Variants in TMEM132D observed in about 807,000 individuals in gnomAD.
The protein encoded by TMEM132D is mature OL transmembrane protein.
A neutral mutation model predicts 62.3 loss-of-function variants in TMEM132D; 21 were observed. The ratio of observed to expected loss-of-function variants is 0.34; its 90% CI spans 0.24 to 0.49. The LOEUF is 0.49. Ranked by LOEUF, TMEM132D falls within the 20% of genes least tolerant of loss-of-function variation. The pLI, the probability that TMEM132D is intolerant of heterozygous loss-of-function variation, is 0.99. For synonymous variants in TMEM132D, 621 were observed against 575.6 expected, an observed-to-expected ratio of 1.08 and a Z score of -1.13; for missense variants, 1,346 against 1,402.8, an observed-to-expected ratio of 0.96 and a Z score of 0.65.
At chr12:129,686,746 C>T (rs1880930524) in intron 2 of TMEM132D, among the ~76,000 whole-genome samples, 1 of 152,198 alleles carries the variant, frequency 6.6e-6, no homozygotes, top group Non-Finnish European at 1.5e-5. Context: ...GCCAGTAACA[C>T]TATTTATGTT....
intron 3 of TMEM132D, among the ~76,000 whole-genome samples, chr12:129,395,488 T>C (rs1332602699): frequency 3.3e-5 from 5 of 152,092 alleles, no homozygotes; most frequent in Admixed American, 1.3e-4. Context: ...AATGTTCTTA[T>C]GGAGATTTGC....
At chr12:129,395,955 AATAT>A (rs535277284) in intron 3 of TMEM132D, among the ~76,000 whole-genome samples, 2 of 142,916 alleles carry the variant, frequency 1.4e-5, no homozygotes, top group African/African-American at 2.7e-5. Flanking sequence ...ATTATAAAAT[AATAT>A]ATAATATATA....
intron 5 of TMEM132D, among the ~76,000 whole-genome samples, chr12:129,194,394 G>A (rs1265521362): frequency 6.6e-6 from 1 of 152,162 alleles, no homozygotes; most frequent in Non-Finnish European, 1.5e-5. Flanking sequence ...ACTTATAAGT[G>A]GGAGCTAAAC....
Position 129,867,839 on chromosome 12 carries a change from G to A in TMEM132D, c.79+35422C>T, listed in dbSNP as rs1374555028. On this transcript the variant is annotated intron_variant, in intron 1 of 8. Coordinates refer to ENST00000422113, the MANE Select transcript of TMEM132D (RefSeq NM_133448.3). The surrounding 1 kb of genome is among the most constrained non-coding windows in gnomAD (Gnocchi z 4.5). ...ACCTAGTGAAAAACAACAGTTGACA[G>A]GGGCCAGAGATGGGTTGGGGTTGCT... Among the ~76,000 whole-genome samples, 1 of 152,214 alleles carries A rather than the reference G, an allele frequency of 6.6e-6. No individual in the cohort carries two copies. The highest frequency in any genetic ancestry group is 1.5e-5 in the Non-Finnish European group (1 of 68,020).
intron 4 of TMEM132D, among the ~76,000 whole-genome samples, chr12:129,300,841 C>T (rs1288952504): frequency 1.3e-5 from 2 of 152,120 alleles, no homozygotes. Flanking sequence ...GTCAAATGTA[C>T]CCAGAGGTTG....
At position 129,899,288 on chromosome 12, in the gene TMEM132D, G is replaced by GATGT. The variant is rs1875259083; in HGVS notation, c.79+3972_79+3973insACAT. On this transcript the variant is annotated intron_variant, in intron 1 of 8. Coordinates refer to ENST00000422113, the MANE Select transcript of TMEM132D (RefSeq NM_133448.3). ...GGATGGATGGATGGATGCATGGATG[G>GATGT]ATGGATGGATGCATGCATGGATGGA... Among the ~76,000 whole-genome samples the GATGT allele has an allele frequency of 1.6e-5, 2 of 123,020 alleles. 1 individual carries two copies. The highest frequency in any genetic ancestry group is 6.2e-5 in the African/African-American group (2 of 32,358). 80.7% of individuals were successfully genotyped at this position (123,020 alleles called of 152,430 possible). A position where few individuals can be genotyped will look rare whatever the true frequency, so the allele number is the denominator to read the frequency against.
At position 129,867,280 on chromosome 12, in the gene TMEM132D, A is replaced by G. The variant is rs1874089589; in HGVS notation, c.79+35981T>C. On this transcript the variant is annotated intron_variant, in intron 1 of 8. Transcript: ENST00000422113. The surrounding 1 kb of genome is among the most constrained non-coding windows in gnomAD (Gnocchi z 4.5). ...GTCTCAAAAAAAGAAAAAGAAAGAA[A>G]GAAATCCTGCCATTTGCAACAATAT... is the stretch of plus-strand genomic sequence containing the variant. Among the ~76,000 whole-genome samples the G allele has an allele frequency of 6.6e-6, 1 of 152,110 alleles. No homozygotes were observed. The highest frequency in any genetic ancestry group is 1.5e-5 in the Non-Finnish European group (1 of 68,018).
intron 2 of TMEM132D, among the ~76,000 whole-genome samples, chr12:129,545,772 G>A (rs780981594): frequency 5.9e-5 from 9 of 152,196 alleles, no homozygotes; most frequent in Non-Finnish European, 1.3e-4. Flanking sequence ...TCTTACACAA[G>A]TTCCCATCTT....
chr12:129,578,288 G>C (rs536856231), intron 2 of TMEM132D, among the ~76,000 whole-genome samples: 29 of 152,182 alleles, frequency 1.9e-4, no homozygotes, highest in South Asian at 1.2e-3. Flanking sequence ...GCAAGTGGTA[G>C]ATTGTGGGAC....
rs200938064 is a variant in TMEM132D, at chr12:129,764,535, TA to T, written c.80-63838del. ...GAGAAATCAATATCACATTCCTTGT[TA>T]AAAAAAAATGCTATTACGTGTGTGT... On this transcript the variant is annotated intron_variant, in intron 1 of 8. Transcript: ENST00000422113. Among the ~76,000 whole-genome samples the T allele has an allele frequency of 3.0e-4, 45 of 151,584 alleles. 1 individual carries two copies. Among genetic ancestry groups the T allele is most frequent in the East Asian group, 7.8e-4 (4 of 5,156 alleles).
At chr12:129,768,703 G>A (rs1241891723) in intron 1 of TMEM132D, among the ~76,000 whole-genome samples, 1 of 152,132 alleles carries the variant, frequency 6.6e-6, no homozygotes, top group African/African-American at 2.4e-5. Context: ...TGGGGAGCCT[G>A]ATGGCCCTGT....
rs199987474 is a variant in TMEM132D, at chr12:129,545,188, G to A, written c.969-13983C>T. The stretch of plus-strand genomic sequence containing the variant: ...TCCTCATTCCTGACTTGACTTGGGA[G>A]AGTGTGAGATTTGATCTACTGCACC... On this transcript the variant is annotated intron_variant, in intron 2 of 8. Transcript: ENST00000422113. Among the ~76,000 whole-genome samples, 380 of 152,250 alleles carry A rather than the reference G, an allele frequency of 2.5e-3. 8 individuals carry two copies. The East Asian group carries it at 0.065, about 26-fold the overall frequency.
chr12:129,699,148 G>T (rs947495809), intron 2 of TMEM132D, among the ~76,000 whole-genome samples: 1 of 152,112 alleles, frequency 6.6e-6, no homozygotes, highest in Non-Finnish European at 1.5e-5. Context: ...TCTCTCATAC[G>T]TTATATTCCA....
intron 2 of TMEM132D, among the ~76,000 whole-genome samples, chr12:129,613,677 T>C (rs879708975): frequency 6.6e-6 from 1 of 152,214 alleles, no homozygotes; most frequent in African/African-American, 2.4e-5. Context: ...CCGAGAGGAC[T>C]GTCTCCAGCA....
Position 129,340,216 on chromosome 12 carries a change from C to T in TMEM132D, c.1116-2399G>A, listed in dbSNP as rs1160254767. ...TTTCCCTTTTTCTTTAGATCCCTTTCCCAGCCAAGATGTAAAAGCAACAAG... is the reference window on the plus strand; with the variant it reads ...TTTCCCTTTTTCTTTAGATCCCTTTTCCAGCCAAGATGTAAAAGCAACAAG... On this transcript the variant is annotated intron_variant, in intron 3 of 8. Transcript: ENST00000422113. Among the ~76,000 whole-genome samples, 9 of 152,102 alleles carry T rather than the reference C, an allele frequency of 5.9e-5. 1 individual carries two copies. Among genetic ancestry groups the T allele is most frequent in the Admixed American group, 5.2e-4 (8 of 15,266 alleles).
chr12:129,205,196 C>T, intron 5 of TMEM132D, among the ~76,000 whole-genome samples: 1 of 152,000 alleles, frequency 6.6e-6, no homozygotes, highest in South Asian at 2.1e-4. Context: ...GGGCTAAATG[C>T]CTCAATTAAA....
intron 3 of TMEM132D, among the ~76,000 whole-genome samples, chr12:129,383,844 A>G (rs959909093): frequency 5.9e-5 from 9 of 152,274 alleles, no homozygotes; most frequent in East Asian, 1.9e-4. Context: ...AGTACAGAAG[A>G]CCGGGTCCCA....
chr12:129,467,285 G>A (rs1873940333), intron 3 of TMEM132D, among the ~76,000 whole-genome samples: 1 of 152,072 alleles, frequency 6.6e-6, no homozygotes. Context: ...TTATCATCAG[G>A]ACATATTCTT....
chr12:129,812,604 C>T lies in TMEM132D; in HGVS notation c.79+90657G>A, dbSNP rs568431009. 3.0e-3 allele frequency among the ~76,000 whole-genome samples: 453 copies of T among 151,862 alleles called. 11 individuals are homozygous for T. The highest frequency in any genetic ancestry group is 0.01 in the African/African-American group (422 of 41,420). On this transcript the variant is annotated intron_variant, in intron 1 of 8. Transcript: ENST00000422113. ...TATTCACCTGTGTCTCCCAGTCAAA[C>T]GGACAGTGTCTATCTTCTCTTGACC...
Sources: allele counts gnomAD v4.1 joint callset (sites outside exome capture counted in the v4.1 genomes callset), GRCh38; gene constraint gnomAD v4.1.1; non-coding constraint Gnocchi (gnomAD v3.1); transcripts MANE v1.5; gene names NCBI Gene and HGNC (gene_info 2026-07-23, HGNC 2026-07-21).